Variants in TECR observed in about 807,000 individuals in gnomAD.
TECR encodes the protein very-long-chain enoyl-CoA reductase.
A neutral mutation model predicts 50.6 loss-of-function variants in TECR; 19 were observed. The ratio of observed to expected loss-of-function variants is 0.38; its 90% CI spans 0.26 to 0.55. The LOEUF (loss-of-function observed/expected upper bound fraction) is 0.55. Ranked by LOEUF, TECR falls within the 20% of genes least tolerant of loss-of-function variation. The probability of loss-of-function intolerance (pLI) is 0.79; values close to 1 mark genes in which losing one functional copy is unlikely to be tolerated. For missense variants in TECR, 313 were observed against 408.3 expected (o/e 0.77, Z 2.01); for synonymous variants, 168 against 163.5 (o/e 1.03, Z -0.21).
At chr19:14,544,723 C>A (rs1301461577) in intron 1 of TECR, among the ~76,000 whole-genome samples, 1 of 151,484 alleles carries the variant, frequency 6.6e-6, no homozygotes, top group Non-Finnish European at 1.5e-5. Context: ...AACTCCAACT[C>A]CTGGGTTCAA....
At chr19:14,543,469 C>T (rs1241361275) in intron 1 of TECR, among the ~76,000 whole-genome samples, 2 of 94,024 alleles carry the variant, frequency 2.1e-5, no homozygotes, top group East Asian at 7.3e-4. Context: ...GACGGAGTCT[C>T]GCTCTGTCGC....
chr19:14,547,663 T>A (rs546987862), intron 1 of TECR, among the ~76,000 whole-genome samples: 19 of 140,970 alleles, frequency 1.3e-4, no homozygotes, highest in Admixed American at 9.0e-4. Flanking sequence ...TACCTAATAT[T>A]TTTTTTTTTT....
At chr19:14,552,109 G>T (rs2073543263) in intron 1 of TECR, among the ~76,000 whole-genome samples, 1 of 149,888 alleles carries the variant, frequency 6.7e-6, no homozygotes, top group African/African-American at 2.5e-5. Context: ...AAAGTGCTGA[G>T]ATTACAGGCA....
intron 1 of TECR, among the ~76,000 whole-genome samples, chr19:14,561,754 C>G (rs755649352): frequency 2.0e-5 from 3 of 152,210 alleles, no homozygotes; most frequent in Non-Finnish European, 4.4e-5. Context: ...TCTCTGCACC[C>G]ATAACTCCAG....
Position 14,565,612 on chromosome 19 carries a change from CCACAGGTGGGGTCCTGGAT to C in TECR, c.754-4_768del. 6.2e-7 allele frequency: 1 copy of C among 1,610,964 alleles called. No individual in the cohort carries two copies. Among genetic ancestry groups the C allele is most frequent in the Non-Finnish European group, 8.5e-7 (1 of 1,179,474 alleles). ...GCCCACGCTCACTCTCCGCCCCTGC[CCACAGGTGGGGTCCTGGAT>C]CGGTTTCGCCATCATGACGCAGTGT... On this transcript the variant is annotated splice_acceptor_variant and splice_polypyrimidine_tract_variant and coding_sequence_variant and intron_variant, in exon 12 of 13. Coordinates refer to ENST00000215567, the MANE Select transcript of TECR (RefSeq NM_138501.6). LOFTEE classifies it high-confidence loss of function.
intron 1 of TECR, 57 bp downstream of exon 1, chr19:14,529,768 T>C: frequency 6.2e-7 from 1 of 1,612,966 alleles, no homozygotes; most frequent in Non-Finnish European, 8.5e-7. Context: ...TTTTTCCTTC[T>C]TTGCGGGACC....
chr19:14,563,208 G>T lies in TECR; in HGVS notation c.69G>T (p.Val23=). 1 of 1,613,924 alleles carries T rather than the reference G, an allele frequency of 6.2e-7. No homozygotes were observed. The highest frequency in any genetic ancestry group is 8.5e-7 in the Non-Finnish European group (1 of 1,179,894). Reference sequence around the variant, plus strand: ...CCCTGCGCCTGTGCTTCCCCCAGGTGGAGCCCCACGCCACCATTGCGGAGA... The same window carrying T: ...CCCTGCGCCTGTGCTTCCCCCAGGTTGAGCCCCACGCCACCATTGCGGAGA... ...TREKLCFLDK[V]EPHATIAEIK... Residue 23 remains valine, a splice_region_variant and synonymous_variant, in exon 3 of 13, where the codon GTG becomes GTT. Transcript: ENST00000215567. This position sits in a 1 kb window ranked among gnomAD's most constrained non-coding sequence, Gnocchi z 5.3.
chr19:14,555,881 C>T (rs868086621), intron 1 of TECR, among the ~76,000 whole-genome samples: 1 of 152,200 alleles, frequency 6.6e-6, no homozygotes, highest in African/African-American at 2.4e-5. Flanking sequence ...CCACTGCGCC[C>T]AGCCCACTTT....
chr19:14,563,474 C>A lies in TECR; in HGVS notation c.119-184C>A. 2 of 857,496 alleles carry A rather than the reference C, an allele frequency of 2.3e-6. No homozygotes were observed. Among genetic ancestry groups the A allele is most frequent in the Non-Finnish European group, 3.7e-6 (2 of 538,014 alleles). The allele number at this position is 857,496 out of a possible 1,614,324, so 53.1% of individuals were successfully genotyped here. ...GGAAGGACAAGATCCTGCTTCTGCCCGCGCTCTTCTGGCTTGTGTCCTGAA... is the reference window on the plus strand; with the variant it reads ...GGAAGGACAAGATCCTGCTTCTGCCAGCGCTCTTCTGGCTTGTGTCCTGAA... On this transcript the variant is annotated intron_variant, in intron 3 of 12. Transcript: ENST00000215567. This position sits in a 1 kb window ranked among gnomAD's most constrained non-coding sequence, Gnocchi z 5.3.
intron 1 of TECR, chr19:14,530,093 C>T: frequency 2.8e-6 from 1 of 357,986 alleles, no homozygotes; most frequent in Non-Finnish European, 5.4e-6. Context: ...ACGCCGCCGT[C>T]ACCAGCGTAG....
intron 9 of TECR, 25 bp downstream of exon 9, chr19:14,565,017 G>A (rs1599506694): frequency 1.2e-6 from 2 of 1,613,948 alleles, no homozygotes; most frequent in Non-Finnish European, 1.7e-6. Flanking sequence ...TGTGGGGACG[G>A]GGTCGGGGGA....
At chr19:14,565,356 A>G in intron 11 of TECR, 66 bp downstream of exon 11, 1 of 1,588,184 alleles carries the variant, frequency 6.3e-7, no homozygotes, top group Non-Finnish European at 8.6e-7. Context: ...ACCAGCCCCT[A>G]GGATGGGGCG....
intron 1 of TECR, among the ~76,000 whole-genome samples, chr19:14,554,740 C>T (rs2073657715): frequency 6.6e-6 from 1 of 152,112 alleles, no homozygotes; most frequent in African/African-American, 2.4e-5. Flanking sequence ...ACCCACTCTT[C>T]ACCTCCACAT....
chr19:14,529,108 T>G, upstream of TECR: 1 of 161,144 alleles, frequency 6.2e-6, no homozygotes, highest in Non-Finnish European at 1.4e-5. Flanking sequence ...CACTCAAGAG[T>G]CTCCTCCCAT....
intron 1 of TECR, among the ~76,000 whole-genome samples, chr19:14,550,584 A>G (rs554284495): frequency 6.6e-6 from 1 of 152,228 alleles, no homozygotes; most frequent in East Asian, 1.9e-4. Context: ...GCAGTTCTGG[A>G]CCATCCCCTG....
At chr19:14,559,847 T>C (rs527306068) in intron 1 of TECR, among the ~76,000 whole-genome samples, 1 of 151,936 alleles carries the variant, frequency 6.6e-6, no homozygotes, top group Admixed American at 6.5e-5. Context: ...AGAGGTCTCC[T>C]GCTCCCCCCA....
rs2074026097 is a variant in TECR, at chr19:14,564,840, C to T, written c.544C>T (p.Pro182Ser). Residue 182 changes from proline to serine, a missense_variant, in exon 8 of 13, where the codon CCT becomes TCT. Transcript: ENST00000215567. ...GTGGATGGCCTATTACATCAATCACCCTCTCTACACTCCCCCTAGTAAGTG... is the reference window on the plus strand; with the variant it reads ...GTGGATGGCCTATTACATCAATCACTCTCTCTACACTCCCCCTAGTAAGTG... Reference protein sequence around the residue: ...AAWMAYYINHPLYTPPTYGAQ... With the variant: ...AAWMAYYINHSLYTPPTYGAQ... 3.7e-6 allele frequency: 6 copies of T among 1,613,920 alleles called. No homozygotes were observed. The highest frequency in any genetic ancestry group is 5.1e-6 in the Non-Finnish European group (6 of 1,180,008).
intron 1 of TECR, among the ~76,000 whole-genome samples, chr19:14,547,856 C>CT (rs2073357489): frequency 6.6e-6 from 1 of 150,798 alleles, no homozygotes; most frequent in Non-Finnish European, 1.5e-5. Flanking sequence ...GAAATGGGGT[C>CT]TTGCGATGTT....
rs552289493 is a variant in TECR, at chr19:14,540,780, C to T, written c.15+11069C>T. Among the ~76,000 whole-genome samples, 26 of 152,278 alleles carry T rather than the reference C, an allele frequency of 1.7e-4. 1 individual carries two copies. The South Asian group carries it at 2.5e-3, about 15-fold the overall frequency. On this transcript the variant is annotated intron_variant, in intron 1 of 12. Coordinates refer to ENST00000215567, the MANE Select transcript of TECR (RefSeq NM_138501.6). ...TTGATCTTAAGTGATCTGCCGGCCT[C>T]GGCCTCCCAAGTAGCTGGGACTGCA...
Sources: gnomAD v4.1 joint callset for allele counts (sites outside exome capture counted in the v4.1 genomes callset) on GRCh38, gnomAD v4.1.1 for gene constraint, Gnocchi (gnomAD v3.1) non-coding constraint, MANE v1.5 for transcripts, NCBI Gene and HGNC (gene_info 2026-07-23, HGNC 2026-07-21) for gene names.